SLC39A11: variants seen among roughly 807,000 people sequenced by gnomAD.
The protein encoded by SLC39A11 is zinc transporter ZIP11.
SLC39A11 carries 33 observed loss-of-function variants against 36.1 expected under a neutral mutation model. That is an observed-to-expected ratio of 0.91 (90% CI 0.69 to 1.22). The LOEUF (loss-of-function observed/expected upper bound fraction) is 1.22, where lower values mean the gene tolerates loss of function less well. SLC39A11 is among the 50% of genes most tolerant of loss of function. SLC39A11 has a pLI of 0.00. For synonymous variants in SLC39A11, 166 were observed against 170.3 expected, an observed-to-expected ratio of 0.97 and a Z score of 0.20; for missense variants, 432 against 430.3, an observed-to-expected ratio of 1.00 and a Z score of -0.03.
chr17:72,748,112 A>G (rs2075014641), intron 6 of SLC39A11, among the ~76,000 whole-genome samples: 1 of 152,194 alleles, frequency 6.6e-6, no homozygotes, highest in Non-Finnish European at 1.5e-5. Context: ...ACCTGAGGTC[A>G]GGAGTTCAAG....
intron 6 of SLC39A11, among the ~76,000 whole-genome samples, chr17:72,792,074 T>G (rs914003920): frequency 8.5e-5 from 13 of 152,200 alleles, no homozygotes; most frequent in African/African-American, 3.1e-4. Context: ...CCCCCTTTAG[T>G]CACTGCAGTG....
chr17:72,988,063 A>C (rs1046836447), intron 4 of SLC39A11, among the ~76,000 whole-genome samples: 39 of 152,336 alleles, frequency 2.6e-4, no homozygotes, highest in Non-Finnish European at 5.6e-4. Context: ...ACAGCCATGC[A>C]GTGTGAAATA....
intron 4 of SLC39A11, among the ~76,000 whole-genome samples, chr17:73,009,941 A>T (rs1010901384): frequency 6.6e-6 from 1 of 151,228 alleles, no homozygotes; most frequent in Admixed American, 6.6e-5. Flanking sequence ...CCTGTGTCCA[A>T]GTGTTCTCAT....
At chr17:72,797,433 A>C (rs2076933364) in intron 6 of SLC39A11, among the ~76,000 whole-genome samples, 1 of 152,038 alleles carries the variant, frequency 6.6e-6, no homozygotes, top group South Asian at 2.1e-4. Context: ...TCCTCCTTCC[A>C]TCTTCCATGA....
intron 3 of SLC39A11, among the ~76,000 whole-genome samples, chr17:73,064,069 C>A: frequency 6.7e-6 from 1 of 150,272 alleles, no homozygotes; most frequent in African/African-American, 2.4e-5. Context: ...CAGAGGTTTC[C>A]AAAGAAATGC....
At chr17:72,729,719 C>T (rs572979627) in intron 7 of SLC39A11, among the ~76,000 whole-genome samples, 46 of 151,542 alleles carry the variant, frequency 3.0e-4, no homozygotes, top group African/African-American at 9.7e-4. Flanking sequence ...CAGAGTACTA[C>T]CTGCCCTTAT....
intron 4 of SLC39A11, among the ~76,000 whole-genome samples, chr17:72,982,502 ATCAGAGGCC>A (rs1237155529): frequency 6.6e-6 from 1 of 152,208 alleles, no homozygotes; most frequent in Non-Finnish European, 1.5e-5. Flanking sequence ...TATGATGTAA[ATCAGAGGCC>A]TCTTTCGTCC....
intron 6 of SLC39A11, 74 bp downstream of exon 6, chr17:72,849,560 C>G: frequency 7.1e-7 from 1 of 1,406,010 alleles, no homozygotes; most frequent in Non-Finnish European, 9.3e-7. Context: ...TTCCCCTTTT[C>G]CAGCCAGACA....
At chr17:73,004,213 A>G (rs1005938428) in intron 4 of SLC39A11, among the ~76,000 whole-genome samples, 3 of 130,322 alleles carry the variant, frequency 2.3e-5, no homozygotes, top group Non-Finnish European at 5.0e-5. Context: ...GAAAGAAAGA[A>G]AGAAAGAAAG....
At chr17:72,819,347 C>T (rs545633859) in intron 6 of SLC39A11, among the ~76,000 whole-genome samples, 7 of 151,464 alleles carry the variant, frequency 4.6e-5, no homozygotes, top group African/African-American at 1.7e-4. Flanking sequence ...CCTCAGAGCC[C>T]TCAGAAGGAA....
At chr17:72,687,943 C>T (rs927846986) in intron 7 of SLC39A11, among the ~76,000 whole-genome samples, 3 of 152,202 alleles carry the variant, frequency 2.0e-5, no homozygotes, top group African/African-American at 4.8e-5. Context: ...ATTTGAACCT[C>T]GGAGTGCCCC....
chr17:72,835,538 G>A (rs538613589), intron 6 of SLC39A11, among the ~76,000 whole-genome samples: 12 of 152,326 alleles, frequency 7.9e-5, no homozygotes, highest in Admixed American at 5.2e-4. Context: ...ACGGCTCACT[G>A]CAGCCTCTAC....
intron 5 of SLC39A11, among the ~76,000 whole-genome samples, chr17:72,860,935 C>A (rs1258723149): frequency 1.3e-5 from 2 of 152,182 alleles, no homozygotes; most frequent in Non-Finnish European, 2.9e-5. Flanking sequence ...ATTACCCACT[C>A]TACAGGATTG....
At chr17:73,044,090 A>G (rs565234350) in intron 3 of SLC39A11, among the ~76,000 whole-genome samples, 4 of 152,274 alleles carry the variant, frequency 2.6e-5, no homozygotes, top group East Asian at 1.9e-4. Context: ...CCCAGTGATA[A>G]TGATGGGCAG....
chr17:72,730,714 C>G (rs72843243), intron 7 of SLC39A11, among the ~76,000 whole-genome samples: 18,900 of 152,234 alleles, frequency 0.12, 1,443 homozygotes, highest in Non-Finnish European at 0.18. Flanking sequence ...GGCTGCAGCA[C>G]AGTGGTGCAA....
chr17:72,964,953 G>A (rs181780493), intron 4 of SLC39A11, among the ~76,000 whole-genome samples: 6 of 152,264 alleles, frequency 3.9e-5, no homozygotes, highest in Non-Finnish European at 5.9e-5. Flanking sequence ...TCCTTTGTAC[G>A]GACACGGATG....
Position 72,779,923 on chromosome 17 carries a change from C to A in SLC39A11, c.602-43204G>T, listed in dbSNP as rs1021284743. 3.9e-5 allele frequency among the ~76,000 whole-genome samples: 6 copies of A among 152,254 alleles called. No individual in the cohort carries two copies. In the South Asian group the frequency reaches 6.2e-4, roughly 16 times the overall value. ...AGGAGTCTGTGGCACCCATGAGGAA[C>A]CCCTATCTGTAATCCACACCCCCTT... On this transcript the variant is annotated intron_variant, in intron 6 of 9. Coordinates refer to ENST00000255559, the MANE Select transcript of SLC39A11 (RefSeq NM_139177.4).
chr17:73,077,466 T>C (rs1419990865), intron 3 of SLC39A11, among the ~76,000 whole-genome samples: 1 of 152,178 alleles, frequency 6.6e-6, no homozygotes, highest in Non-Finnish European at 1.5e-5. Flanking sequence ...TACAGGCGCA[T>C]GCCACCATGC....
intron 4 of SLC39A11, among the ~76,000 whole-genome samples, chr17:73,010,834 G>A (rs892125009): frequency 7.9e-5 from 12 of 152,218 alleles, no homozygotes; most frequent in Non-Finnish European, 5.9e-5. Flanking sequence ...ATTGCAACGG[G>A]CATGGATCTG....
Sources: gnomAD v4.1 joint callset for allele counts (sites outside exome capture counted in the v4.1 genomes callset) on GRCh38, gnomAD v4.1.1 for gene constraint, MANE v1.5 for transcripts, NCBI Gene and HGNC (gene_info 2026-07-23, HGNC 2026-07-21) for gene names.